Variants in ROS1 observed in about 807,000 individuals in gnomAD.
ROS1 encodes proto-oncogene tyrosine-protein kinase ROS.
In ROS1, 263 loss-of-function variants were observed where a neutral mutation model predicts 273.5. The ratio of observed to expected loss-of-function variants is 0.96; its 90% confidence interval spans 0.87 to 1.06. ROS1 has a LOEUF of 1.06. Among genes scored for constraint, ROS1 ranks in the 50% least tolerant of loss-of-function variants. The pLI, the probability that ROS1 is intolerant of heterozygous loss-of-function variation, is 0.00. For missense variants in ROS1, 2,833 were observed against 2,751.1 expected (o/e 1.03, Z -0.67); for synonymous variants, 1,008 against 954.1 (o/e 1.06, Z -1.04).
chr6:117,406,073 C>A (rs7771271), intron 5 of ROS1, among the ~76,000 whole-genome samples: 81,282 of 151,826 alleles, frequency 0.54, 22,448 homozygotes, highest in African/African-American at 0.67. Context: ...TGAACTCAGG[C>A]GTTTGAGGTT....
At chr6:117,290,158 T>G (rs1215718483) in intron 43 of ROS1, among the ~76,000 whole-genome samples, 2 of 152,210 alleles carry the variant, frequency 1.3e-5, no homozygotes, top group Non-Finnish European at 2.9e-5. Flanking sequence ...TTGGAAAACT[T>G]CCTACTAAAA....
At chr6:117,371,544 A>C (rs888533972) in intron 18 of ROS1, among the ~76,000 whole-genome samples, 3 of 152,158 alleles carry the variant, frequency 2.0e-5, no homozygotes, top group African/African-American at 7.2e-5. Context: ...ACTTTGTAAA[A>C]ATTTAAACCG....
chr6:117,310,940 A>G (rs961378501), intron 40 of ROS1, 80 bp downstream of exon 40: 1 of 804,356 alleles, frequency 1.2e-6, no homozygotes, highest in Middle Eastern at 2.3e-4. Flanking sequence ...ATGTTTAATT[A>G]TCTTGTGTGC....
chr6:117,321,351 C>T lies in ROS1; in HGVS notation c.5667G>A (p.Gly1889=), dbSNP rs746342678. The part of the protein sequence containing the change: ...RLKNQKSAKE[G]VTVLINEDKE... Reference sequence around the variant, plus strand: ...TGTCTTCGTTTATAAGCACTGTCACCCCTTCCTTGGCACTTTTTTGATTCT... The same window carrying T: ...TGTCTTCGTTTATAAGCACTGTCACTCCTTCCTTGGCACTTTTTTGATTCT... Residue 1889 remains glycine (G), a synonymous_variant, in exon 36 of 44, where the codon GGG becomes GGA. Coordinates refer to ENST00000368507, the MANE Select transcript of ROS1 (RefSeq NM_001378902.1). The T allele has an allele frequency of 1.2e-6, 2 of 1,613,402 alleles. No individual in the cohort carries two copies. The highest frequency in any genetic ancestry group is 2.2e-5 in the South Asian group (2 of 90,988).
intron 42 of ROS1, among the ~76,000 whole-genome samples, chr6:117,304,584 A>G (rs1396364399): frequency 6.6e-6 from 1 of 152,198 alleles, no homozygotes; most frequent in Non-Finnish European, 1.5e-5. Flanking sequence ...TTTAAATTGT[A>G]TGCCATTCTG....
At chr6:117,375,455 T>C (rs1005486291) in intron 18 of ROS1, among the ~76,000 whole-genome samples, 3 of 152,078 alleles carry the variant, frequency 2.0e-5, no homozygotes, top group Non-Finnish European at 4.4e-5. Flanking sequence ...ATAAATTTTT[T>C]AAAAAAAGAA....
intron 17 of ROS1, among the ~76,000 whole-genome samples, chr6:117,381,928 T>G (rs1772188951): frequency 6.6e-6 from 1 of 152,124 alleles, no homozygotes; most frequent in South Asian, 2.1e-4. Flanking sequence ...CCCCCAAACA[T>G]GCTGAGATGA....
chr6:117,401,093 T>C (rs1773895757), intron 7 of ROS1, among the ~76,000 whole-genome samples: 1 of 152,190 alleles, frequency 6.6e-6, no homozygotes, highest in Non-Finnish European at 1.5e-5. Flanking sequence ...GATTTTCCCA[T>C]CTTCCTTGCC....
intron 11 of ROS1, 73 bp downstream of exon 11, chr6:117,394,089 G>T: frequency 1.0e-6 from 1 of 958,366 alleles, no homozygotes. Context: ...ATTGTGTTTA[G>T]TATTAAATAT....
rs2128520303 is a variant in ROS1 at position 117,288,426 on chromosome 6, A to T, written c.*66T>A. Reference sequence around the variant, plus strand: ...ACCATGACATTTATCATTCTAGCAGAGTTTTCTTTCAGTAACTACTGAATG... The same window carrying T: ...ACCATGACATTTATCATTCTAGCAGTGTTTTCTTTCAGTAACTACTGAATG... On this transcript the variant is annotated 3_prime_UTR_variant, in exon 44 of 44. Transcript: ENST00000368507. 1 of 1,276,310 alleles carries T rather than the reference A, an allele frequency of 7.8e-7. No individual in the cohort carries two copies. Among genetic ancestry groups the T allele is most frequent in the Non-Finnish European group, 1.1e-6 (1 of 910,678 alleles). The allele number at this position is 1,276,310 out of a possible 1,614,324, so 79.1% of individuals were successfully genotyped here. A position where few individuals can be genotyped will look rare whatever the true frequency, so the allele number is the denominator to read the frequency against.
rs370393953 is a variant in ROS1, at chr6:117,341,308, G to A, written c.4888C>T (p.Leu1630Phe). The A allele has an allele frequency of 3.5e-5, 56 of 1,612,490 alleles. No homozygotes were observed. The highest frequency in any genetic ancestry group is 4.4e-5 in the Non-Finnish European group (52 of 1,179,412). ...CACATTTCCTCAGAGTGGCAGGCAA[G>A]AACCTTTTGGTAAAAAAGAACAATT... is the stretch of plus-strand genomic sequence containing the variant. ...SGGNIYVLKV[L>F]ACHSEEMWCT... Residue 1630 changes from leucine (L) to phenylalanine (F), a missense_variant, in exon 31 of 44, where the codon CTT (leucine) becomes TTT (phenylalanine). Physicochemically the swap from Leu to Phe is conservative, Grantham distance 22. Coordinates refer to ENST00000368507, the MANE Select transcript of ROS1 (RefSeq NM_001378902.1).
chr6:117,349,527 C>T (rs928150456), intron 27 of ROS1, among the ~76,000 whole-genome samples: 2 of 152,002 alleles, frequency 1.3e-5, no homozygotes, highest in African/African-American at 4.8e-5. Context: ...CAAACAACTT[C>T]TGTCTTTTAG....
At chr6:117,339,026 C>T (rs935027058) in intron 31 of ROS1, among the ~76,000 whole-genome samples, 1 of 152,052 alleles carries the variant, frequency 6.6e-6, no homozygotes, top group African/African-American at 2.4e-5. Context: ...TATTTGTTTC[C>T]TCCCCATTTT....
Position 117,366,259 on chromosome 6 carries a change from C to T in ROS1, c.2614G>A (p.Ala872Thr). 6.2e-7 allele frequency: 1 copy of T among 1,614,040 alleles called. No homozygotes were observed. Among genetic ancestry groups the T allele is most frequent in the Non-Finnish European group, 8.5e-7 (1 of 1,179,944 alleles). Reference protein sequence around the residue: ...TGDTTITEFAAWSTSEISQNA... With the variant: ...TGDTTITEFATWSTSEISQNA... ...TGGGAAATTTCAGAAGTACTCCAGG[C>T]TGCAAATTCTGTGATGGTGGTATCC... The change falls in exon 19 of 44, where the codon GCC (alanine) becomes ACC (threonine). Residue 872 changes from alanine to threonine, a missense_variant. Transcript: ENST00000368507.
intron 35 of ROS1, among the ~76,000 whole-genome samples, chr6:117,322,983 A>G (rs914007700): frequency 3.9e-5 from 6 of 152,178 alleles, no homozygotes; most frequent in African/African-American, 1.4e-4. Flanking sequence ...AAAGCAAGCA[A>G]AGGTCAGCTG....
At chr6:117,298,896 G>A (rs1029018872) in intron 43 of ROS1, among the ~76,000 whole-genome samples, 19 of 152,160 alleles carry the variant, frequency 1.2e-4, no homozygotes, top group Non-Finnish European at 2.6e-4. Context: ...TCAGAGAAAT[G>A]TCTCATTAAG....
At chr6:117,367,651 C>T (rs1780379089) in intron 18 of ROS1, among the ~76,000 whole-genome samples, 1 of 152,164 alleles carries the variant, frequency 6.6e-6, no homozygotes, top group Admixed American at 6.5e-5. Flanking sequence ...TCTTCAGAAA[C>T]AGATAGAACT....
intron 6 of ROS1, 36 bp from the exon 7 acceptor site, chr6:117,403,313 A>AATCAGCACC (rs1303425765): frequency 6.3e-7 from 1 of 1,598,208 alleles, no homozygotes; most frequent in East Asian, 2.2e-5. Flanking sequence ...AGCATTATAG[A>AATCAGCACC]ATCAGCACCC....
chr6:117,409,700 A>G (rs1476080727), intron 4 of ROS1, 58 bp from the exon 5 acceptor site: 10 of 1,342,698 alleles, frequency 7.4e-6, no homozygotes, highest in Non-Finnish European at 1.1e-5. Flanking sequence ...TTTGCTGATA[A>G]GCTTCAACTA....
Sources: gnomAD v4.1 joint callset for allele counts (sites outside exome capture counted in the v4.1 genomes callset) on GRCh38, gnomAD v4.1.1 for gene constraint, MANE v1.5 for transcripts, NCBI Gene and HGNC (gene_info 2026-07-23, HGNC 2026-07-21) for gene names.